The following ARMH3 variants were observed in gnomAD, a reference collection of about 807,000 sequenced individuals.
ARMH3 encodes the protein armadillo like helical domain containing 3.
In ARMH3, 60 loss-of-function variants were observed where a neutral mutation model predicts 99.1. The ratio of observed to expected loss-of-function variants is 0.61; its 90% CI spans 0.49 to 0.75. The LOEUF (loss-of-function observed/expected upper bound fraction) is 0.75. ARMH3 is among the 30% of genes least tolerant of loss of function. ARMH3 has a pLI of 0.00. For synonymous variants in ARMH3, 285 were observed against 292.8 expected, an observed-to-expected ratio of 0.97 and a Z score of 0.27; for missense variants, 679 against 843.1, an observed-to-expected ratio of 0.81 and a Z score of 2.41.
chr10:102,053,576 C>A (rs2067762461), intron 1 of ARMH3, among the ~76,000 whole-genome samples: 1 of 151,994 alleles, frequency 6.6e-6, no homozygotes, highest in Non-Finnish European at 1.5e-5. Flanking sequence ...ACTCATCCTT[C>A]AACACCCAAC....
chr10:101,957,415 C>T (rs1006156592), intron 21 of ARMH3, among the ~76,000 whole-genome samples: 1 of 152,172 alleles, frequency 6.6e-6, no homozygotes, highest in African/African-American at 2.4e-5. Context: ...GAGATCTAAC[C>T]TATACCCACC....
chr10:101,994,729 CT>C (rs1250945168), intron 16 of ARMH3, among the ~76,000 whole-genome samples: 1 of 152,122 alleles, frequency 6.6e-6, no homozygotes, highest in Non-Finnish European at 1.5e-5. Flanking sequence ...ACCTGAGCTC[CT>C]TTTTTATTTT....
At chr10:101,861,862 C>T (rs1159197914) in intron 24 of ARMH3, among the ~76,000 whole-genome samples, 1 of 144,842 alleles carries the variant, frequency 6.9e-6, no homozygotes, top group Non-Finnish European at 1.5e-5. Flanking sequence ...GAAACGCCAT[C>T]CCTACTAAAA....
At chr10:102,010,621 C>G in intron 11 of ARMH3, among the ~76,000 whole-genome samples, 1 of 152,264 alleles carries the variant, frequency 6.6e-6, no homozygotes, top group Middle Eastern at 3.4e-3. Flanking sequence ...ATATCAGAAG[C>G]ACTAAGATGC....
At chr10:101,920,797 G>C (rs1374474) in intron 23 of ARMH3, among the ~76,000 whole-genome samples, 31,369 of 152,050 alleles carry the variant, frequency 0.21, 3,594 homozygotes, top group East Asian at 0.52. Context: ...ACATACAATG[G>C]AACATTATTC....
intron 22 of ARMH3, 46 bp downstream of exon 22, chr10:101,956,551 G>A (rs754938103): frequency 6.3e-7 from 1 of 1,598,000 alleles, no homozygotes; most frequent in Non-Finnish European, 8.6e-7. Context: ...TATGCCAAAA[G>A]CTAGACAAAT....
chr10:102,025,048 C>T, intron 6 of ARMH3, 108 bp downstream of exon 6: 1 of 918,606 alleles, frequency 1.1e-6, no homozygotes, highest in Middle Eastern at 2.2e-4. Flanking sequence ...ATGTAATACC[C>T]TCATTGAGAA....
intron 2 of ARMH3, among the ~76,000 whole-genome samples, chr10:102,038,292 C>T (rs761252990): frequency 2.2e-4 from 34 of 151,774 alleles, no homozygotes; most frequent in Admixed American, 4.6e-4. Context: ...GACAGGGTTT[C>T]GCCATGTTAG....
intron 20 of ARMH3, among the ~76,000 whole-genome samples, chr10:101,958,523 A>G (rs189898141): frequency 2.7e-4 from 41 of 152,332 alleles, no homozygotes; most frequent in African/African-American, 9.1e-4. Flanking sequence ...CATTTTGTCC[A>G]TGAAATGAGT....
intron 24 of ARMH3, among the ~76,000 whole-genome samples, chr10:101,850,583 C>T (rs764606453): frequency 1.3e-5 from 2 of 151,954 alleles, no homozygotes; most frequent in Non-Finnish European, 2.9e-5. Flanking sequence ...TGCCATCATG[C>T]CCGGCTAATT....
intron 14 of ARMH3, among the ~76,000 whole-genome samples, chr10:102,004,987 G>A (rs537478102): frequency 3.3e-5 from 5 of 152,054 alleles, no homozygotes; most frequent in Non-Finnish European, 5.9e-5. Context: ...GGCGGATCAC[G>A]AGGTCAGGAG....
chr10:101,906,806 T>C (rs190234171), intron 23 of ARMH3, among the ~76,000 whole-genome samples: 32 of 152,260 alleles, frequency 2.1e-4, no homozygotes, highest in Non-Finnish European at 2.4e-4. Flanking sequence ...ACCATGCTGG[T>C]AGTAAAAACT....
chr10:101,942,958 T>C (rs1844311455), intron 22 of ARMH3, among the ~76,000 whole-genome samples: 1 of 151,616 alleles, frequency 6.6e-6, no homozygotes, highest in Non-Finnish European at 1.5e-5. Context: ...ACAAAACATA[T>C]GAAACAATGG....
intron 22 of ARMH3, among the ~76,000 whole-genome samples, chr10:101,945,401 C>A (rs1167401246): frequency 2.0e-5 from 3 of 151,974 alleles, no homozygotes; most frequent in South Asian, 2.1e-4. Flanking sequence ...GGGCAACATG[C>A]CGAAATCCTG....
At chr10:101,860,554 C>T (rs182645381) in intron 24 of ARMH3, among the ~76,000 whole-genome samples, 3 of 152,114 alleles carry the variant, frequency 2.0e-5, no homozygotes, top group African/African-American at 7.2e-5. Context: ...GGAGACAGGC[C>T]GAGAAGGAGC....
chr10:102,017,891 CTT>C (rs2066784761), intron 8 of ARMH3, among the ~76,000 whole-genome samples: 1 of 152,174 alleles, frequency 6.6e-6, no homozygotes, highest in South Asian at 2.1e-4. Context: ...TTCCATATCT[CTT>C]CTTATAAGAA....
At chr10:101,985,415 CAT>C (rs773387548) in intron 19 of ARMH3, among the ~76,000 whole-genome samples, 1 of 150,116 alleles carries the variant, frequency 6.7e-6, no homozygotes, top group Admixed American at 6.7e-5. Context: ...TATGTGTGTG[CAT>C]ATATATATAC....
At chr10:102,017,114 G>C (rs1252564431) in intron 8 of ARMH3, among the ~76,000 whole-genome samples, 2 of 152,082 alleles carry the variant, frequency 1.3e-5, no homozygotes, top group Non-Finnish European at 2.9e-5. Flanking sequence ...GATTGTACTG[G>C]TGGCTAGAAT....
At chr10:101,919,216 T>TTC (rs150721770) in intron 23 of ARMH3, among the ~76,000 whole-genome samples, 261 of 152,246 alleles carry the variant, frequency 1.7e-3, no homozygotes, top group Non-Finnish European at 3.1e-3. Flanking sequence ...CCTCCCTTTC[T>TTC]TCTCTCCTTC....
Sources: gnomAD v4.1 joint callset for allele counts (sites outside exome capture counted in the v4.1 genomes callset) on GRCh38, gnomAD v4.1.1 for gene constraint, MANE v1.5 for transcripts, NCBI Gene and HGNC (gene_info 2026-07-23, HGNC 2026-07-21) for gene names.